The following PRR5L variants were observed in gnomAD, a reference collection of about 807,000 sequenced individuals.
The protein encoded by PRR5L is proline-rich protein 5-like.
In PRR5L, 21 loss-of-function variants were observed where a neutral mutation model predicts 36.4. The ratio of observed to expected loss-of-function variants is 0.58; its 90% confidence interval spans 0.41 to 0.83. PRR5L has a LOEUF of 0.83. Ranked by LOEUF, PRR5L falls within the 40% of genes least tolerant of loss-of-function variation. The pLI is 0.00. For missense variants in PRR5L, 381 were observed against 473.3 expected, an observed-to-expected ratio of 0.80 and a Z score of 1.81; for synonymous variants, 188 against 197.0, an observed-to-expected ratio of 0.95 and a Z score of 0.38.
Position 36,374,093 on chromosome 11 carries a change from CCTTCCTTCCTTCCTCT to C in PRR5L, c.-125-26901_-125-26886del, listed in dbSNP as rs1358291011. Among the ~76,000 whole-genome samples the C allele has an allele frequency of 1.9e-3, 229 of 117,958 alleles. 3 individuals are homozygous for C. The highest frequency in any genetic ancestry group is 0.014 in the South Asian group (47 of 3,460). The allele number at this position is 117,958 out of a possible 152,430, so 77.4% of individuals were successfully genotyped here. ...TCCTTCCTTCCTTCCTTCCTTCCTTCCTTCCTTCCTTCCTCTCTCTCTCTCTCTCTTTCTTTCTTTG... is the reference window on the plus strand; with the variant it reads ...TCCTTCCTTCCTTCCTTCCTTCCTTCCTCTCTCTCTCTCTTTCTTTCTTTG... On this transcript the variant is annotated intron_variant, in intron 1 of 8. Coordinates refer to ENST00000530639, the MANE Select transcript of PRR5L (RefSeq NM_001160167.2).
intron 6 of PRR5L, 94 bp from the exon 7 acceptor site, chr11:36,446,206 G>A (rs1032762647): frequency 8.6e-6 from 12 of 1,399,754 alleles, no homozygotes; most frequent in South Asian, 1.3e-5. Context: ...CATCTTTGGT[G>A]CTATATAAAC....
In PRR5L at chr11:36,462,947, G is replaced by A; in HGVS notation, c.*211G>A. 4.3e-6 allele frequency: 2 copies of A among 462,502 alleles called. No individual in the cohort carries two copies. The highest frequency in any genetic ancestry group is 7.8e-5 in the Admixed American group (2 of 25,512). The allele number at this position is 462,502 out of a possible 1,614,324, so 28.6% of individuals were successfully genotyped here. A position where few individuals can be genotyped will look rare whatever the true frequency, so the allele number is the denominator to read the frequency against. The stretch of plus-strand genomic sequence containing the variant: ...GACCACTTCTTTGTAGCCACCAATT[G>A]TAGTGACCAGTTGCCTAATGGTCAC... On this transcript the variant is annotated 3_prime_UTR_variant, in exon 9 of 9. Coordinates refer to ENST00000530639, the MANE Select transcript of PRR5L (RefSeq NM_001160167.2).
At chr11:36,403,575 G>A (rs1857847336) in intron 3 of PRR5L, among the ~76,000 whole-genome samples, 197 bp downstream of exon 3, 1 of 151,708 alleles carries the variant, frequency 6.6e-6, no homozygotes, top group African/African-American at 2.4e-5. Context: ...GATCCATAGA[G>A]AATCATTTGT....
At chr11:36,400,848 T>C in intron 1 of PRR5L, 149 bp from the exon 2 acceptor site, 1 of 490,800 alleles carries the variant, frequency 2.0e-6, no homozygotes, top group Non-Finnish European at 3.3e-6. Flanking sequence ...CTGTGCAAAC[T>C]TGTGAATGGG....
chr11:36,381,111 G>A (rs915414225), intron 1 of PRR5L, among the ~76,000 whole-genome samples: 2 of 152,062 alleles, frequency 1.3e-5, no homozygotes, highest in African/African-American at 4.8e-5. Context: ...CAATTTTGAG[G>A]TGCGAATATG....
chr11:36,361,768 C>CACTTGTTTTT (rs1342637391), intron 1 of PRR5L, among the ~76,000 whole-genome samples: 2 of 152,180 alleles, frequency 1.3e-5, no homozygotes, highest in Non-Finnish European at 2.9e-5. Flanking sequence ...TAACACAAGT[C>CACTTGTTTTT]ACTTGTTTTT....
intron 1 of PRR5L, among the ~76,000 whole-genome samples, chr11:36,332,756 C>T (rs1159287659): frequency 6.6e-6 from 1 of 152,126 alleles, no homozygotes; most frequent in Non-Finnish European, 1.5e-5. Context: ...GCACCTCCTC[C>T]TCCTGCTGTT....
intron 4 of PRR5L, among the ~76,000 whole-genome samples, chr11:36,429,790 A>C (rs903248114): frequency 1.3e-5 from 2 of 152,174 alleles, no homozygotes; most frequent in Non-Finnish European, 2.9e-5. Context: ...GGCACAAATG[A>C]GATTTGTGCT....
chr11:36,372,976 TTG>T (rs36076560), intron 1 of PRR5L, among the ~76,000 whole-genome samples: 1,828 of 146,674 alleles, frequency 0.012, 17 homozygotes, highest in African/African-American at 0.021. Context: ...TGCCTAATAG[TTG>T]TGTGTGTGTG....
At chr11:36,304,551 G>A (rs190066671) in intron 1 of PRR5L, among the ~76,000 whole-genome samples, 14 of 152,172 alleles carry the variant, frequency 9.2e-5, no homozygotes, top group African/African-American at 3.4e-4. Context: ...AGCATGAATG[G>A]TCCTTCCTCA....
chr11:36,414,166 G>C lies in PRR5L; in HGVS notation c.246-5089G>C, dbSNP rs1210369029. On this transcript the variant is annotated intron_variant, in intron 3 of 8. Transcript: ENST00000530639. The stretch of plus-strand genomic sequence containing the variant: ...CTTTCCTATTGTGAATAGTGCCACA[G>C]TAAACATACGTGTGCATGTGTCTTT... Among the ~76,000 whole-genome samples the C allele has an allele frequency of 1.1e-4, 16 of 151,562 alleles. 1 individual carries two copies. Among genetic ancestry groups the C allele is most frequent in the Admixed American group, 3.9e-4 (6 of 15,242 alleles).
At position 36,350,315 on chromosome 11, in the gene PRR5L, G is replaced by A. The variant is rs112353427; in HGVS notation, c.-125-50682G>A. ...TGAGAGTGTGTGTGGGTGTGGGTGT[G>A]TGTGAATGTGTGAGTGTGTGTGTAT... On this transcript the variant is annotated intron_variant, in intron 1 of 8. Coordinates refer to ENST00000530639, the MANE Select transcript of PRR5L (RefSeq NM_001160167.2). 5.4e-3 allele frequency among the ~76,000 whole-genome samples: 825 copies of A among 151,628 alleles called. 3 individuals carry two copies. The highest frequency in any genetic ancestry group is 9.2e-3 in the Non-Finnish European group (627 of 67,854).
intron 1 of PRR5L, among the ~76,000 whole-genome samples, chr11:36,324,590 A>G (rs1856642251): frequency 6.6e-6 from 1 of 152,322 alleles, no homozygotes; most frequent in South Asian, 2.1e-4. Flanking sequence ...AAAATTAAAA[A>G]CAATTTTTTA....
chr11:36,324,814 G>A (rs1856643947), intron 1 of PRR5L, among the ~76,000 whole-genome samples: 1 of 151,994 alleles, frequency 6.6e-6, no homozygotes, highest in Non-Finnish European at 1.5e-5. Flanking sequence ...GAAAATCATT[G>A]TGACTTTCAA....
At chr11:36,354,194 T>C (rs1220494511) in intron 1 of PRR5L, among the ~76,000 whole-genome samples, 1 of 152,220 alleles carries the variant, frequency 6.6e-6, no homozygotes, top group Non-Finnish European at 1.5e-5. Context: ...CTGACTGTTT[T>C]GAAGACGAAA....
intron 1 of PRR5L, among the ~76,000 whole-genome samples, chr11:36,345,505 T>C (rs994389282): frequency 1.3e-5 from 2 of 152,028 alleles, no homozygotes; most frequent in Admixed American, 6.6e-5. Context: ...GAAGAATTCA[T>C]GCAGAAAAAA....
chr11:36,320,368 C>G (rs143655648), intron 1 of PRR5L, among the ~76,000 whole-genome samples: 5 of 151,536 alleles, frequency 3.3e-5, no homozygotes, highest in Non-Finnish European at 5.9e-5. Flanking sequence ...CTCAGCCTCC[C>G]GAGTAACTGG....
At chr11:36,334,193 C>T (rs1481002227) in intron 1 of PRR5L, among the ~76,000 whole-genome samples, 3 of 152,184 alleles carry the variant, frequency 2.0e-5, no homozygotes, top group African/African-American at 7.2e-5. Context: ...GAAATGTAGT[C>T]TTTATCCTGG....
chr11:36,365,467 G>T (rs912413303), intron 1 of PRR5L, among the ~76,000 whole-genome samples: 8 of 152,102 alleles, frequency 5.3e-5, no homozygotes, highest in African/African-American at 1.9e-4. Flanking sequence ...ATTTCCTTAA[G>T]CTGTTAATAG....
Sources: gnomAD v4.1 joint callset for allele counts (sites outside exome capture counted in the v4.1 genomes callset) on GRCh38, gnomAD v4.1.1 for gene constraint, MANE v1.5 for transcripts, NCBI Gene and HGNC (gene_info 2026-07-23, HGNC 2026-07-21) for gene names.